The following CISD2 variants were observed in gnomAD, a reference collection of about 807,000 sequenced individuals.
CISD2 encodes CDGSH iron-sulfur domain-containing protein 2.
A neutral mutation model predicts 12.9 loss-of-function variants in CISD2; 1 was observed. That is an observed-to-expected ratio of 0.08 (90% CI 0.03 to 0.37). The LOEUF is 0.37. Ranked by LOEUF, CISD2 falls within the 10% of genes least tolerant of loss-of-function variation. CISD2 has a pLI of 0.99. For missense variants in CISD2, 97 were observed against 163.1 expected, an observed-to-expected ratio of 0.59 and a Z score of 2.21; for synonymous variants, 50 against 60.6, an observed-to-expected ratio of 0.83 and a Z score of 0.81.
At chr4:102,871,550 CT>C (rs1324998470) in intron 1 of CISD2, among the ~76,000 whole-genome samples, 3 of 152,046 alleles carry the variant, frequency 2.0e-5, no homozygotes, top group African/African-American at 4.8e-5. Context: ...TGAGATAGCC[CT>C]TTTTGGATTG....
At chr4:102,871,323 C>T (rs1379888653) in intron 1 of CISD2, among the ~76,000 whole-genome samples, 1 of 152,102 alleles carries the variant, frequency 6.6e-6, no homozygotes, top group Non-Finnish European at 1.5e-5. Flanking sequence ...AAAACCTTTT[C>T]TCTCTTAAGA....
intron 1 of CISD2, among the ~76,000 whole-genome samples, chr4:102,877,447 C>T (rs1332232597): frequency 6.6e-6 from 1 of 152,240 alleles, no homozygotes; most frequent in Non-Finnish European, 1.5e-5. Flanking sequence ...CTGGAGAACA[C>T]TGATGCCAGG....
At chr4:102,874,263 C>G (rs1433748883) in intron 1 of CISD2, among the ~76,000 whole-genome samples, 2 of 152,050 alleles carry the variant, frequency 1.3e-5, no homozygotes, top group Non-Finnish European at 2.9e-5. Context: ...ATTCTTACAA[C>G]TGGGAGCTAA....
chr4:102,885,229 T>C lies in CISD2; in HGVS notation c.117T>C (p.Leu39=), dbSNP rs1349980203. 1 of 1,613,938 alleles carries C rather than the reference T, an allele frequency of 6.2e-7. No homozygotes were observed. Reference sequence around the variant, plus strand: ...CTACATGTTTAGTTTCAGAATGGCTTCGGTTATTGCCTTTCCTTGGTGTAC... The same window carrying C: ...CTACATGTTTAGTTTCAGAATGGCTCCGGTTATTGCCTTTCCTTGGTGTAC... ...GFARLTVSEW[L]RLLPFLGVLA... The change falls in exon 2 of 3, where the codon CTT becomes CTC. Residue 39 remains leucine, a synonymous_variant. Transcript: ENST00000273986.
intron 2 of CISD2, among the ~76,000 whole-genome samples, chr4:102,886,654 C>T (rs1025778329): frequency 3.3e-5 from 5 of 151,926 alleles, no homozygotes; most frequent in African/African-American, 1.2e-4. Flanking sequence ...CTTGCTCTGT[C>T]ACTCAGGCTG....
intron 2 of CISD2, among the ~76,000 whole-genome samples, chr4:102,885,852 T>C (rs756170214): frequency 6.6e-6 from 1 of 152,232 alleles, no homozygotes; most frequent in Non-Finnish European, 1.5e-5. Context: ...ACATCCACAT[T>C]ACATATCTTT....
Position 102,889,921 on chromosome 4 carries a change from CTT to C in CISD2, c.*2492_*2493del, listed in dbSNP as rs893721383. 6.6e-6 allele frequency: 1 copy of C among 152,078 alleles called. No homozygotes were observed. Among genetic ancestry groups the C allele is most frequent in the African/African-American group, 2.4e-5 (1 of 41,406 alleles). The allele number at this position is 152,078 out of a possible 1,614,324, so 9.4% of individuals were successfully genotyped here. On this transcript the variant is annotated 3_prime_UTR_variant, in exon 3 of 3. Transcript: ENST00000273986. ...AGTGGTAAAAGAAAAAAAAAAGTAA[CTT>C]GGCTCTTGAAATACATGTCTTCGGT...
intron 1 of CISD2, among the ~76,000 whole-genome samples, chr4:102,878,552 G>A (rs1445534908): frequency 1.3e-5 from 2 of 152,110 alleles, no homozygotes; most frequent in African/African-American, 2.4e-5. Flanking sequence ...CAGTCTCTTG[G>A]GCAGGGGCAA....
chr4:102,872,859 A>T (rs1253785466), intron 1 of CISD2, among the ~76,000 whole-genome samples: 1 of 152,208 alleles, frequency 6.6e-6, no homozygotes, highest in Non-Finnish European at 1.5e-5. Context: ...TAGCTACCGT[A>T]TTATTCCGTT....
In CISD2 at chr4:102,889,539, T is replaced by C. The variant is rs1336410623; in HGVS notation, c.*2109T>C. The C allele has an allele frequency of 1.3e-5, 2 of 152,290 alleles. No individual in the cohort carries two copies. Among genetic ancestry groups the C allele is most frequent in the East Asian group, 3.8e-4 (2 of 5,208 alleles). The allele number at this position is 152,290 out of a possible 1,614,324, so 9.4% of individuals were successfully genotyped here. A position where few individuals can be genotyped will look rare whatever the true frequency, so the allele number is the denominator to read the frequency against. The stretch of plus-strand genomic sequence containing the variant: ...GGAGACTAAAATGAATGACCAACTT[T>C]GAATTTTGTCAAATAACATTGAAAA... On this transcript the variant is annotated 3_prime_UTR_variant, in exon 3 of 3. Transcript: ENST00000273986.
chr4:102,892,685 C>G lies in CISD2; in HGVS notation c.*5255C>G, dbSNP rs1378489558. On this transcript the variant is annotated 3_prime_UTR_variant, in exon 3 of 3. Transcript: ENST00000273986. ...GATCAGCCATAATGTTAACACATTTCTGATCTCTATTATAAGGCTGTAATT... is the reference window on the plus strand; with the variant it reads ...GATCAGCCATAATGTTAACACATTTGTGATCTCTATTATAAGGCTGTAATT... 6.6e-6 allele frequency: 1 copy of G among 152,132 alleles called. No individual in the cohort carries two copies. The highest frequency in any genetic ancestry group is 1.5e-5 in the Non-Finnish European group (1 of 68,030). 9.4% of individuals were successfully genotyped at this position (152,132 alleles called of 1,614,324 possible). A position where few individuals can be genotyped will look rare whatever the true frequency, so the allele number is the denominator to read the frequency against.
rs1230760360 is a variant in CISD2, at chr4:102,890,805, A to ACAATAAGTAAG, written c.*3376_*3377insAATAAGTAAGC. The ACAATAAGTAAG allele has an allele frequency of 3.8e-5, 5 of 130,876 alleles. No homozygotes were observed. The highest frequency in any genetic ancestry group is 1.5e-4 in the African/African-American group (5 of 32,514). The allele number at this position is 130,876 out of a possible 1,614,324, so 8.1% of individuals were successfully genotyped here. On this transcript the variant is annotated 3_prime_UTR_variant, in exon 3 of 3. Coordinates refer to ENST00000273986, the MANE Select transcript of CISD2 (RefSeq NM_001008388.5). ...CAGTGAGCCAAGATTGTGCCACTGC[A>ACAATAAGTAAG]CTCCAGCCTGGGCAACAGAAGTGAA...
At chr4:102,886,728 A>G (rs1733941809) in intron 2 of CISD2, among the ~76,000 whole-genome samples, 1 of 150,584 alleles carries the variant, frequency 6.6e-6, no homozygotes, top group African/African-American at 2.4e-5. Flanking sequence ...GAATTCTCCC[A>G]CCTCAGCCTC....
rs552606339 is a variant in CISD2 at position 102,889,558 on chromosome 4, T to G, written c.*2128T>G. On this transcript the variant is annotated 3_prime_UTR_variant, in exon 3 of 3. Transcript: ENST00000273986. Reference sequence around the variant, plus strand: ...CAACTTTGAATTTTGTCAAATAACATTGAAAATGAATTATCTCATAAAAGG... The same window carrying G: ...CAACTTTGAATTTTGTCAAATAACAGTGAAAATGAATTATCTCATAAAAGG... 1 of 152,252 alleles carries G rather than the reference T, an allele frequency of 6.6e-6. No individual in the cohort carries two copies. Among genetic ancestry groups the G allele is most frequent in the African/African-American group, 2.4e-5 (1 of 41,470 alleles). 9.4% of individuals were successfully genotyped at this position (152,252 alleles called of 1,614,324 possible). A position where few individuals can be genotyped will look rare whatever the true frequency, so the allele number is the denominator to read the frequency against.
In CISD2 at chr4:102,869,004, C is replaced by T; in HGVS notation, c.-81C>T. The T allele has an allele frequency of 5.5e-6, 8 of 1,449,554 alleles. No individual in the cohort carries two copies. Among genetic ancestry groups the T allele is most frequent in the Non-Finnish European group, 6.4e-6 (7 of 1,098,792 alleles). The allele number at this position is 1,449,554 out of a possible 1,614,324, so 89.8% of individuals were successfully genotyped here. A position where few individuals can be genotyped will look rare whatever the true frequency, so the allele number is the denominator to read the frequency against. ...GGCCGAGGCCGCCAGTGCCCGCCGG[C>T]CGCTTCCGCTCCCGGCGCAGGCGCG... On this transcript the variant is annotated 5_prime_UTR_variant, in exon 1 of 3. Transcript: ENST00000273986.
intron 1 of CISD2, among the ~76,000 whole-genome samples, chr4:102,878,484 T>C (rs1311703942): frequency 1.3e-5 from 2 of 152,214 alleles, no homozygotes; most frequent in Non-Finnish European, 2.9e-5. Flanking sequence ...ACTTTTATGC[T>C]CTGCTTCCCT....
rs1486971481 is a variant in CISD2, at chr4:102,888,040, C to T, written c.*610C>T. 2.1e-5 allele frequency: 3 copies of T among 145,676 alleles called. No individual in the cohort carries two copies. The highest frequency in any genetic ancestry group is 3.0e-5 in the Non-Finnish European group (2 of 67,488). The allele number at this position is 145,676 out of a possible 1,614,324, so 9.0% of individuals were successfully genotyped here. A position where few individuals can be genotyped will look rare whatever the true frequency, so the allele number is the denominator to read the frequency against. On this transcript the variant is annotated 3_prime_UTR_variant, in exon 3 of 3. Coordinates refer to ENST00000273986, the MANE Select transcript of CISD2 (RefSeq NM_001008388.5). ...CAGTATAAAAGATTTGTTTACTTTA[C>T]AAAAGGCTTGTGTCTGTGTGTGTGT...
intron 1 of CISD2, among the ~76,000 whole-genome samples, chr4:102,879,025 C>A (rs552678576): frequency 6.6e-6 from 1 of 152,082 alleles, no homozygotes; most frequent in Non-Finnish European, 1.5e-5. Flanking sequence ...ACCTTTTTCA[C>A]GAGGCAGGAG....
At chr4:102,874,910 A>G (rs746937902) in intron 1 of CISD2, among the ~76,000 whole-genome samples, 7 of 152,164 alleles carry the variant, frequency 4.6e-5, no homozygotes, top group Non-Finnish European at 8.8e-5. Flanking sequence ...CCTCTCTGCT[A>G]TTCCTGTGGC....
Sources: allele counts gnomAD v4.1 joint callset (sites outside exome capture counted in the v4.1 genomes callset), GRCh38; gene constraint gnomAD v4.1.1; transcripts MANE v1.5; gene names NCBI Gene and HGNC (gene_info 2026-07-23, HGNC 2026-07-21).